The following LRRC4C variants were observed in gnomAD, a reference collection of about 807,000 sequenced individuals.
LRRC4C encodes the protein leucine rich repeat containing 4C, also known as leucine-rich repeat-containing protein 4C.
Under a neutral mutation model 33.6 loss-of-function variants are expected in LRRC4C, and 5 were observed. That is an observed-to-expected ratio of 0.15 (90% CI 0.08 to 0.31). The LOEUF is 0.31. Among genes scored for constraint, LRRC4C ranks in the 10% least tolerant of loss-of-function variants. LRRC4C has a pLI of 1.00. For missense variants in LRRC4C, 560 were observed against 796.7 expected (o/e 0.70, Z 3.58); for synonymous variants, 329 against 302.0 (o/e 1.09, Z -0.93).
intron 1 of LRRC4C, among the ~76,000 whole-genome samples, chr11:41,356,791 T>C (rs1952177581): frequency 6.6e-6 from 1 of 152,140 alleles, no homozygotes; most frequent in Non-Finnish European, 1.5e-5. Flanking sequence ...TTCTACAATT[T>C]AGCCAAGCTT....
intron 3 of LRRC4C, among the ~76,000 whole-genome samples, chr11:40,510,497 C>A (rs1590957729): frequency 1.3e-5 from 2 of 152,040 alleles, no homozygotes; most frequent in Non-Finnish European, 2.9e-5. Flanking sequence ...CAATAAGAAT[C>A]CTGTAAATTC....
chr11:40,168,529 A>G (rs995042464), intron 5 of LRRC4C, among the ~76,000 whole-genome samples: 1 of 152,230 alleles, frequency 6.6e-6, no homozygotes, highest in African/African-American at 2.4e-5. Context: ...ACAGTATGCA[A>G]GAGGCTTCCT....
intron 2 of LRRC4C, among the ~76,000 whole-genome samples, chr11:40,816,889 G>A (rs777246856): frequency 6.6e-6 from 1 of 152,022 alleles, no homozygotes; most frequent in Non-Finnish European, 1.5e-5. Flanking sequence ...TCTTTAAAAG[G>A]CTTTCCACGT....
chr11:41,086,660 A>G (rs947957005), intron 1 of LRRC4C, among the ~76,000 whole-genome samples: 1 of 152,150 alleles, frequency 6.6e-6, no homozygotes, highest in African/African-American at 2.4e-5. Flanking sequence ...TCTTACAGGC[A>G]TGGTGACTTT....
intron 1 of LRRC4C, among the ~76,000 whole-genome samples, chr11:41,242,832 CA>C (rs1352274038): frequency 1.3e-5 from 2 of 152,126 alleles, no homozygotes; most frequent in Non-Finnish European, 2.9e-5. Flanking sequence ...CCTGGTATAT[CA>C]TATGCTATCC....
chr11:40,760,544 T>A (rs189271056), intron 2 of LRRC4C, among the ~76,000 whole-genome samples: 1 of 152,068 alleles, frequency 6.6e-6, no homozygotes, highest in African/African-American at 2.4e-5. Flanking sequence ...TAGAAGTGTA[T>A]TTTAAGGCTA....
At chr11:40,854,719 TAA>T (rs1953692119) in intron 2 of LRRC4C, among the ~76,000 whole-genome samples, 3 of 151,106 alleles carry the variant, frequency 2.0e-5, no homozygotes, top group East Asian at 3.9e-4. Flanking sequence ...AAGTGTATAT[TAA>T]TATATATATT....
chr11:40,492,923 G>A (rs1954235937), intron 3 of LRRC4C, among the ~76,000 whole-genome samples: 1 of 151,962 alleles, frequency 6.6e-6, no homozygotes, highest in Admixed American at 6.6e-5. Flanking sequence ...TACATTGCTA[G>A]AATTTTATAC....
chr11:40,944,623 C>G (rs570977305), intron 1 of LRRC4C, among the ~76,000 whole-genome samples: 22 of 152,280 alleles, frequency 1.4e-4, no homozygotes, highest in African/African-American at 5.3e-4. Flanking sequence ...TTCTGTACCT[C>G]TGGAAAGCTT....
intron 3 of LRRC4C, among the ~76,000 whole-genome samples, chr11:40,613,271 C>A (rs1174373330): frequency 6.6e-6 from 1 of 151,908 alleles, no homozygotes; most frequent in Non-Finnish European, 1.5e-5. Context: ...TTCTCTCAAA[C>A]CTTGCCTATG....
chr11:40,175,903 G>A (rs1399257484), intron 5 of LRRC4C, among the ~76,000 whole-genome samples: 1 of 151,998 alleles, frequency 6.6e-6, no homozygotes, highest in East Asian at 1.9e-4. Context: ...CTATAAACGG[G>A]ATTTCAGCTA....
chr11:40,150,835 T>C (rs1025122215), intron 5 of LRRC4C, among the ~76,000 whole-genome samples: 1 of 152,132 alleles, frequency 6.6e-6, no homozygotes, highest in African/African-American at 2.4e-5. Context: ...TGGTTTGATC[T>C]TTGGTAGCAG....
intron 5 of LRRC4C, among the ~76,000 whole-genome samples, chr11:40,198,666 T>C (rs934885549): frequency 6.6e-6 from 1 of 152,234 alleles, no homozygotes; most frequent in East Asian, 1.9e-4. Context: ...TCCGTGCCCA[T>C]AGGCCTTTCT....
intron 1 of LRRC4C, among the ~76,000 whole-genome samples, chr11:40,987,643 A>C (rs1853121122): frequency 1.7e-5 from 1 of 58,474 alleles, no homozygotes; most frequent in South Asian, 6.5e-4. Flanking sequence ...ATATATATAT[A>C]TATATATATC....
chr11:40,701,522 G>A (rs1010132775), intron 2 of LRRC4C, among the ~76,000 whole-genome samples: 2 of 151,504 alleles, frequency 1.3e-5, no homozygotes, highest in African/African-American at 2.4e-5. Context: ...GATGGCAAAC[G>A]TGTGGGCATT....
intron 1 of LRRC4C, among the ~76,000 whole-genome samples, chr11:41,442,009 T>C (rs1240120788): frequency 6.6e-6 from 1 of 152,196 alleles, no homozygotes; most frequent in African/African-American, 2.4e-5. Flanking sequence ...AATTTACATA[T>C]GCATTAATAT....
At chr11:40,583,517 ATTTG>A (rs1475252813) in intron 3 of LRRC4C, among the ~76,000 whole-genome samples, 2 of 151,938 alleles carry the variant, frequency 1.3e-5, no homozygotes, top group African/African-American at 4.8e-5. Flanking sequence ...CCTCATCTCT[ATTTG>A]TTTGGCGTAC....
intron 3 of LRRC4C, among the ~76,000 whole-genome samples, chr11:40,577,020 A>G (rs1958220900): frequency 6.6e-6 from 1 of 152,192 alleles, no homozygotes; most frequent in South Asian, 2.1e-4. Flanking sequence ...ATTAGACTCT[A>G]GAATGAACTC....
intron 3 of LRRC4C, among the ~76,000 whole-genome samples, chr11:40,559,910 A>G (rs993877259): frequency 6.6e-6 from 1 of 152,276 alleles, no homozygotes; most frequent in Non-Finnish European, 1.5e-5. Context: ...AAATAAACAC[A>G]TGAAAATCAT....
Sources: gnomAD v4.1 joint callset for allele counts (sites outside exome capture counted in the v4.1 genomes callset) on GRCh38, gnomAD v4.1.1 for gene constraint, MANE v1.5 for transcripts, NCBI Gene and HGNC (gene_info 2026-07-23, HGNC 2026-07-21) for gene names.